Variants in PGGT1B observed in about 807,000 individuals in gnomAD.
PGGT1B encodes the protein geranylgeranyl transferase type-1 subunit beta.
A neutral mutation model predicts 46.1 loss-of-function variants in PGGT1B; 30 were observed. That is an observed-to-expected ratio of 0.65 (90% CI 0.49 to 0.88). PGGT1B has a LOEUF of 0.88. Among genes scored for constraint, PGGT1B ranks in the 40% least tolerant of loss-of-function variants. The pLI, the probability that PGGT1B is intolerant of heterozygous loss-of-function variation, is 0.00. For missense variants in PGGT1B, 376 were observed against 455.9 expected (o/e 0.82, Z 1.60); for synonymous variants, 170 against 160.0 (o/e 1.06, Z -0.47).
chr5:115,244,923 C>G (rs989134598), intron 2 of PGGT1B, among the ~76,000 whole-genome samples: 3 of 152,116 alleles, frequency 2.0e-5, no homozygotes, highest in African/African-American at 7.2e-5. Context: ...TTTAATCCTT[C>G]TCTAGTTGGA....
At chr5:115,249,578 G>A (rs949543870) in intron 2 of PGGT1B, among the ~76,000 whole-genome samples, 1 of 151,140 alleles carries the variant, frequency 6.6e-6, no homozygotes, top group African/African-American at 2.4e-5. Flanking sequence ...GGTGGAGCAG[G>A]TAATCGGAAT....
chr5:115,207,014 T>A lies in PGGT1B; in HGVS notation c.*5388A>T, dbSNP rs1756083934. The A allele has an allele frequency of 6.6e-6, 1 of 151,642 alleles. No individual in the cohort carries two copies. Among genetic ancestry groups the A allele is most frequent in the African/African-American group, 2.4e-5 (1 of 41,346 alleles). The allele number at this position is 151,642 out of a possible 1,614,324, so 9.4% of individuals were successfully genotyped here. On this transcript the variant is annotated 3_prime_UTR_variant, in exon 9 of 9. Transcript: ENST00000419445. ...CTAAGAATATCATGTATCTTTCCAT[T>A]TGGTGGAATCTACATTTTTGCCTCT...
intron 8 of PGGT1B, among the ~76,000 whole-genome samples, chr5:115,214,697 G>A (rs757441789): frequency 9.2e-5 from 14 of 152,050 alleles, no homozygotes; most frequent in African/African-American, 1.2e-4. Flanking sequence ...TGAACTCTCC[G>A]GAAAAAGCCT....
chr5:115,224,268 T>C (rs1006035254), intron 6 of PGGT1B, among the ~76,000 whole-genome samples: 3 of 152,154 alleles, frequency 2.0e-5, no homozygotes, highest in African/African-American at 7.2e-5. Context: ...AAGTCTCTAA[T>C]AGACAGTAAG....
At chr5:115,221,143 A>T (rs1224572674) in intron 7 of PGGT1B, among the ~76,000 whole-genome samples, 2 of 151,962 alleles carry the variant, frequency 1.3e-5, no homozygotes, top group African/African-American at 4.8e-5. Context: ...AAGAGAAAAA[A>T]TTAGGATATT....
intron 7 of PGGT1B, among the ~76,000 whole-genome samples, chr5:115,220,655 G>C (rs1459049512): frequency 6.6e-5 from 10 of 151,716 alleles, no homozygotes; most frequent in Non-Finnish European, 1.2e-4. Flanking sequence ...GAGATAATTG[G>C]ATATTACATG....
At chr5:115,220,357 C>A (rs1756550277) in intron 7 of PGGT1B, among the ~76,000 whole-genome samples, 1 of 151,650 alleles carries the variant, frequency 6.6e-6, no homozygotes, top group African/African-American at 2.4e-5. Context: ...AACAGAAGGA[C>A]AAATATTGTA....
intron 5 of PGGT1B, 69 bp downstream of exon 5, chr5:115,236,321 A>G: frequency 8.6e-7 from 1 of 1,156,758 alleles, no homozygotes; most frequent in Admixed American, 2.6e-5. Flanking sequence ...GATGAGACAT[A>G]CACTATAATA....
chr5:115,216,249 C>A (rs1473031618), intron 8 of PGGT1B, among the ~76,000 whole-genome samples: 1 of 152,096 alleles, frequency 6.6e-6, no homozygotes, highest in South Asian at 2.1e-4. Flanking sequence ...AAGTGACTCT[C>A]CTGCCTCAGA....
At chr5:115,236,883 G>A (rs1757200580) in intron 4 of PGGT1B, among the ~76,000 whole-genome samples, 1 of 152,120 alleles carries the variant, frequency 6.6e-6, no homozygotes, top group Non-Finnish European at 1.5e-5. Flanking sequence ...TAAAACCTGA[G>A]ACCTACTGGG....
intron 6 of PGGT1B, among the ~76,000 whole-genome samples, chr5:115,229,145 C>T (rs1756890871): frequency 1.3e-5 from 2 of 152,024 alleles, no homozygotes; most frequent in South Asian, 4.2e-4. Flanking sequence ...TAGTACTTCC[C>T]AGCCTATCTA....
chr5:115,234,395 A>G (rs577737062), intron 5 of PGGT1B, among the ~76,000 whole-genome samples: 2 of 152,076 alleles, frequency 1.3e-5, no homozygotes, highest in South Asian at 4.1e-4. Context: ...GGGGGAATAC[A>G]GGGAGGGTGA....
intron 1 of PGGT1B, among the ~76,000 whole-genome samples, chr5:115,258,244 C>T (rs1017795617): frequency 2.0e-4 from 30 of 152,082 alleles, no homozygotes; most frequent in African/African-American, 7.2e-4. Context: ...GCTCCTTTTG[C>T]CTTTTATTAT....
At position 115,228,406 on chromosome 5, in the gene PGGT1B, G is replaced by A. The variant is rs982126540; in HGVS notation, c.658+2570C>T. ...CAATAAACAAATAGATAAAACATAG[G>A]TCGTTTATAAAATAGTAAGTGATGT... On this transcript the variant is annotated intron_variant, in intron 6 of 8. Coordinates refer to ENST00000419445, the MANE Select transcript of PGGT1B (RefSeq NM_005023.4). 5.9e-5 allele frequency among the ~76,000 whole-genome samples: 9 copies of A among 152,250 alleles called. No homozygotes were observed. The South Asian group carries it at 1.9e-3, about 32-fold the overall frequency.
At chr5:115,228,226 G>A (rs1756854505) in intron 6 of PGGT1B, among the ~76,000 whole-genome samples, 1 of 152,122 alleles carries the variant, frequency 6.6e-6, no homozygotes, top group Non-Finnish European at 1.5e-5. Context: ...GGGAAACACA[G>A]TTTTGGGTGC....
chr5:115,247,312 A>G (rs922312584), intron 2 of PGGT1B, among the ~76,000 whole-genome samples: 1 of 152,168 alleles, frequency 6.6e-6, no homozygotes, highest in African/African-American at 2.4e-5. Context: ...GTATTGTGAA[A>G]TATAAAATTG....
chr5:115,243,984 C>G (rs935486549), intron 2 of PGGT1B, among the ~76,000 whole-genome samples: 1 of 152,108 alleles, frequency 6.6e-6, no homozygotes, highest in African/African-American at 2.4e-5. Context: ...CTGTGTTCGT[C>G]TGCTGTTCAT....
In PGGT1B at chr5:115,240,776, T is replaced by C. The variant is rs752694964; in HGVS notation, c.327+763A>G. On this transcript the variant is annotated intron_variant, in intron 3 of 8. Coordinates refer to ENST00000419445, the MANE Select transcript of PGGT1B (RefSeq NM_005023.4). ...CTCAGCCCAACAAGATACTGGCTTA[T>C]AACCATTACATAAGCAGGCTGGCCC... Among the ~76,000 whole-genome samples, 4 of 152,224 alleles carry C rather than the reference T, an allele frequency of 2.6e-5. No individual in the cohort carries two copies. In the South Asian group the frequency reaches 6.2e-4, roughly 24 times the overall value.
rs976391711 is a variant in PGGT1B, at chr5:115,242,162, G to C, written c.260-556C>G. Among the ~76,000 whole-genome samples the C allele has an allele frequency of 6.6e-5, 10 of 152,260 alleles. No individual in the cohort carries two copies. In the South Asian group the frequency reaches 8.3e-4, roughly 13 times the overall value. On this transcript the variant is annotated intron_variant, in intron 2 of 8. Transcript: ENST00000419445. The stretch of plus-strand genomic sequence containing the variant: ...TGAGTCCAGTAATCCACTTGGCTTT[G>C]AAGTATGTAGAACACTGTAAGTTAG...
Sources: allele counts gnomAD v4.1 joint callset (sites outside exome capture counted in the v4.1 genomes callset), GRCh38; gene constraint gnomAD v4.1.1; transcripts MANE v1.5; gene names NCBI Gene and HGNC (gene_info 2026-07-23, HGNC 2026-07-21).